Variants in DAPK3 observed in about 807,000 individuals in gnomAD.
DAPK3 encodes the protein death associated protein kinase 3, also known as death-associated protein kinase 3.
A neutral mutation model predicts 30.6 loss-of-function variants in DAPK3; 24 were observed. The ratio of observed to expected loss-of-function variants is 0.78; its 90% CI spans 0.57 to 1.10. DAPK3 has a LOEUF of 1.10. Ranked by LOEUF, DAPK3 falls within the 50% of genes least tolerant of loss-of-function variation. DAPK3 has a pLI of 0.00. For missense variants in DAPK3, 629 were observed against 657.3 expected, an observed-to-expected ratio of 0.96 and a Z score of 0.47; for synonymous variants, 341 against 284.0, an observed-to-expected ratio of 1.20 and a Z score of -2.02.
rs1023304538 is a variant in DAPK3, at chr19:3,969,613, G to C, written c.62+61C>G. On this transcript the variant is annotated intron_variant, in intron 2 of 8. Transcript: ENST00000545797. ...AACAGGAAAGGAGAGCTGCTGTTCAGAAAACCCCACAGCGCCTCTCTCCTA... is the reference window on the plus strand; with the variant it reads ...AACAGGAAAGGAGAGCTGCTGTTCACAAAACCCCACAGCGCCTCTCTCCTA... The C allele has an allele frequency of 9.3e-6, 10 of 1,077,862 alleles. No homozygotes were observed. The East Asian group carries it at 1.4e-4, about 15-fold the overall frequency. The allele number at this position is 1,077,862 out of a possible 1,614,324, so 66.8% of individuals were successfully genotyped here.
At chr19:3,964,043 G>A (rs112058304) in intron 4 of DAPK3, 124 bp from the exon 5 acceptor site, 1 of 820,278 alleles carries the variant, frequency 1.2e-6, no homozygotes, top group Admixed American at 2.1e-5. Context: ...ATGCGGCAGA[G>A]CTGGCCCTCA....
chr19:3,960,881 G>C (rs1180216912), intron 7 of DAPK3, 128 bp downstream of exon 7: 1 of 914,522 alleles, frequency 1.1e-6, no homozygotes, highest in Non-Finnish European at 1.6e-6. Context: ...TCCAGCCCAA[G>C]GGGTAAGCAA....
intron 2 of DAPK3, among the ~76,000 whole-genome samples, chr19:3,968,265 C>G (rs1276549034): frequency 2.0e-5 from 3 of 152,182 alleles, no homozygotes; most frequent in African/African-American, 7.2e-5. Context: ...GAGGCCGAGG[C>G]AGGTGAATCA....
At chr19:3,967,106 G>A (rs544468069) in intron 2 of DAPK3, among the ~76,000 whole-genome samples, 33 of 152,270 alleles carry the variant, frequency 2.2e-4, no homozygotes, top group East Asian at 3.9e-4. Flanking sequence ...CGACCCAAGC[G>A]TGGCCTACAC....
intron 7 of DAPK3, among the ~76,000 whole-genome samples, chr19:3,960,366 G>A (rs190936246): frequency 7.8e-4 from 118 of 152,226 alleles, no homozygotes; most frequent in Non-Finnish European, 1.5e-3. Context: ...GGAGGCCTAC[G>A]AGTGAGGGCT....
chr19:3,969,869 C>T, intron 1 of DAPK3, 40 bp from the exon 2 acceptor site: 1 of 652,896 alleles, frequency 1.5e-6, no homozygotes, highest in Non-Finnish European at 2.8e-6. Context: ...GGAACTGAGA[C>T]ACCACCCTTT....
Position 3,959,219 on chromosome 19 carries a change from A to G in DAPK3, c.1247T>C (p.Leu416Pro). Residue 416 changes from leucine to proline, a missense_variant, in exon 9 of 9, where the codon CTG becomes CCG. This residue lies in a region of DAPK3 where 323 missense variants were observed against 278.8 expected (regional missense o/e 1.16). Transcript: ENST00000545797. ...GGCCAGCGCCTCGTAGCGGTTCTCC[A>G]GGCGGCTGAAGCGGCGCTTGAGGCC... The part of the protein sequence containing the change: ...TSGLKRRFSR[L>P]ENRYEALAKQ... The G allele has an allele frequency of 6.2e-7, 1 of 1,600,516 alleles. No individual in the cohort carries two copies. The highest frequency in any genetic ancestry group is 8.5e-7 in the Non-Finnish European group (1 of 1,178,020).
At position 3,959,266 on chromosome 19, in the gene DAPK3, C is replaced by T. The variant is rs1222030703; in HGVS notation, c.1200G>A (p.Lys400=). The T allele has an allele frequency of 2.5e-6, 4 of 1,598,960 alleles. No individual in the cohort carries two copies. The highest frequency in any genetic ancestry group is 1.3e-5 in the African/African-American group (1 of 74,888). ...GGCCGCTGGTCCCCAGCAGCGCGCC[C>T]TTGGCCTCCTCCTGCGCCTGCCGCT... ...ALKRQAQEEA[K]GALLGTSGLK... The change falls in exon 9 of 9, where the codon AAG becomes AAA. Residue 400 remains lysine, a synonymous_variant. Transcript: ENST00000545797.
At chr19:3,959,799 C>T (rs1323895335) in intron 8 of DAPK3, 162 bp from the exon 9 acceptor site, 6 of 842,478 alleles carry the variant, frequency 7.1e-6, no homozygotes, top group South Asian at 3.6e-5. Context: ...AGTGCTCTCT[C>T]GAGAAAAACG....
rs2039477444 is a variant in DAPK3 at position 3,959,358 on chromosome 19, CCT to C, written c.1106_1107del (p.Glu369GlyfsTer207). The C allele has an allele frequency of 1.3e-6, 2 of 1,584,752 alleles. No homozygotes were observed. The highest frequency in any genetic ancestry group is 1.7e-6 in the Non-Finnish European group (2 of 1,173,144). Reference sequence around the variant, plus strand: ...AGGTCCTGGCCCAGGCTGTCGCTCTCCTCGCGGTACCAGGCCTCCTTCTCCTC... The same window carrying C: ...AGGTCCTGGCCCAGGCTGTCGCTCTCCGCGGTACCAGGCCTCCTTCTCCTC... ...IYEEKEAWYR[E>X]ESDSLGQDLR... On this transcript the variant is annotated frameshift_variant, in exon 9 of 9. Transcript: ENST00000545797. LOFTEE classifies it low-confidence loss of function (END_TRUNC).
At chr19:3,962,135 G>T (rs2039523199) in intron 6 of DAPK3, among the ~76,000 whole-genome samples, 1 of 152,150 alleles carries the variant, frequency 6.6e-6, no homozygotes, top group Non-Finnish European at 1.5e-5. Context: ...GAGATTACAG[G>T]CGTGAGCCAT....
intron 6 of DAPK3, among the ~76,000 whole-genome samples, chr19:3,962,466 C>A (rs1257827500): frequency 1.3e-5 from 2 of 152,120 alleles, no homozygotes; most frequent in African/African-American, 4.8e-5. Flanking sequence ...TGAAACTCCA[C>A]CTCTACAAAA....
Position 3,959,018 on chromosome 19 carries a change from A to G in DAPK3, c.*83T>C. The G allele has an allele frequency of 1.1e-6, 1 of 891,576 alleles. No homozygotes were observed. The highest frequency in any genetic ancestry group is 1.6e-6 in the Non-Finnish European group (1 of 611,232). 55.2% of individuals were successfully genotyped at this position (891,576 alleles called of 1,614,324 possible). A position where few individuals can be genotyped will look rare whatever the true frequency, so the allele number is the denominator to read the frequency against. On this transcript the variant is annotated 3_prime_UTR_variant, in exon 9 of 9. Coordinates refer to ENST00000545797, the MANE Select transcript of DAPK3 (RefSeq NM_001348.3). ...CTGGGCAAGGACAGGCACCCGGGCG[A>G]TGGGAGGCGCAGCGTCCACAGGAAG...
chr19:3,960,171 C>T lies in DAPK3; in HGVS notation c.783-67G>A, dbSNP rs10411087. The T allele has an allele frequency of 5.8e-6, 5 of 858,578 alleles. No homozygotes were observed. In the Admixed American group the frequency reaches 1.0e-4, roughly 17 times the overall value. The allele number at this position is 858,578 out of a possible 1,614,324, so 53.2% of individuals were successfully genotyped here. On this transcript the variant is annotated intron_variant, in intron 7 of 8. Transcript: ENST00000545797. ...GTCCCGTCCTCCCGTGAACAACTGA[C>T]TCCCGGGACCCCCAAAAGCCCTAAA...
chr19:3,963,563 G>A, intron 6 of DAPK3, 80 bp downstream of exon 6: 1 of 868,420 alleles, frequency 1.2e-6, no homozygotes. Flanking sequence ...GGGACCCCTG[G>A]CGTCCACATG....
rs1456216640 is a variant in DAPK3, at chr19:3,961,031, G to A, written c.760C>T (p.Arg254Trp). Residue 254 changes from arginine (R) to tryptophan (W), a missense_variant, in exon 7 of 9, where the codon CGG becomes TGG. Arg to Trp is a moderately radical substitution (Grantham distance 101). This residue lies in a region of DAPK3 where 306 missense variants were observed against 378.5 expected (regional missense o/e 0.81). Transcript: ENST00000545797. The part of the protein sequence containing the change: ...TSELAKDFIR[R>W]LLVKDPKRRM... ...TACTTGGGATCTTTGACGAGCAGCCGGCGAATGAAGTCCTTGGCCAGCTCG... is the reference window on the plus strand; with the variant it reads ...TACTTGGGATCTTTGACGAGCAGCCAGCGAATGAAGTCCTTGGCCAGCTCG... The A allele has an allele frequency of 1.2e-6, 2 of 1,613,662 alleles. No homozygotes were observed. The highest frequency in any genetic ancestry group is 1.7e-6 in the Non-Finnish European group (2 of 1,179,932).
chr19:3,969,336 G>A (rs953152960), intron 2 of DAPK3, among the ~76,000 whole-genome samples: 9 of 151,954 alleles, frequency 5.9e-5, no homozygotes, highest in Admixed American at 4.6e-4. Context: ...TTGTAGGGAT[G>A]GAGTCTTGCT....
rs1310903922 is a variant in DAPK3 at position 3,959,624 on chromosome 19, C to T, written c.842G>A (p.Arg281Gln). ...GCCGCTGTCCTCACCACGCACGTTC[C>T]GCCGCCGGATCGCCTAGGAAGGAGG... ...EHSWIKAIRR[R>Q]NVRGEDSGRK... The change falls in exon 9 of 9, where the codon CGG (arginine) becomes CAG (glutamine). Residue 281 changes from arginine to glutamine, a missense_variant. By Grantham distance (43) the Arg-to-Gln change is conservative. Coordinates refer to ENST00000545797, the MANE Select transcript of DAPK3 (RefSeq NM_001348.3). 9 of 1,580,138 alleles carry T rather than the reference C, an allele frequency of 5.7e-6. No homozygotes were observed. The African/African-American group carries it at 6.7e-5, about 12-fold the overall frequency.
At position 3,958,826 on chromosome 19, in the gene DAPK3, C is replaced by A; in HGVS notation, c.*275G>T. ...GTGGGTCCCAACCCTCACGGTGCCA[C>A]AGGCCACGCTGCCTGGAGGGTCCCA... On this transcript the variant is annotated 3_prime_UTR_variant, in exon 9 of 9. Coordinates refer to ENST00000545797, the MANE Select transcript of DAPK3 (RefSeq NM_001348.3). The A allele has an allele frequency of 1.7e-6, 1 of 575,332 alleles. No homozygotes were observed. The highest frequency in any genetic ancestry group is 3.1e-6 in the Non-Finnish European group (1 of 322,010). The allele number at this position is 575,332 out of a possible 1,614,324, so 35.6% of individuals were successfully genotyped here. A position where few individuals can be genotyped will look rare whatever the true frequency, so the allele number is the denominator to read the frequency against.
Sources: gnomAD v4.1 joint callset for allele counts (sites outside exome capture counted in the v4.1 genomes callset) on GRCh38, gnomAD v4.1.1 for gene constraint, gnomAD v4.1.1 regional missense constraint, MANE v1.5 for transcripts, NCBI Gene and HGNC (gene_info 2026-07-23, HGNC 2026-07-21) for gene names.